PPP2R5B: variants seen among roughly 807,000 people sequenced by gnomAD.
The protein encoded by PPP2R5B is protein phosphatase 2 regulatory subunit B'beta, also known as serine/threonine-protein phosphatase 2A 56 kDa regulatory subunit beta isoform.
A neutral mutation model predicts 59.9 loss-of-function variants in PPP2R5B; 19 were observed. That is an observed-to-expected ratio of 0.32 (90% CI 0.22 to 0.47). The LOEUF (loss-of-function observed/expected upper bound fraction) is 0.47. PPP2R5B is among the 20% of genes least tolerant of loss of function. PPP2R5B has a pLI of 1.00. For missense variants in PPP2R5B, 441 were observed against 640.2 expected, an observed-to-expected ratio of 0.69 and a Z score of 3.36; for synonymous variants, 286 against 260.5, an observed-to-expected ratio of 1.10 and a Z score of -0.94.
intron 6 of PPP2R5B, among the ~76,000 whole-genome samples, chr11:64,929,072 G>A (rs936407674): frequency 4.6e-5 from 7 of 152,284 alleles, no homozygotes; most frequent in Middle Eastern, 3.4e-3. Context: ...TCTCAGTAAC[G>A]TATTACATAT....
upstream of PPP2R5B, among the ~76,000 whole-genome samples, chr11:64,920,943 C>CTATATATATATATATATA (rs59230229): frequency 3.6e-4 from 49 of 134,938 alleles, no homozygotes; most frequent in East Asian, 4.1e-3. Flanking sequence ...TCCAGCAGTT[C>CTATATATATATATATATA]TATATATATA....
intron 8 of PPP2R5B, among the ~76,000 whole-genome samples, chr11:64,930,833 C>G (rs536510173): frequency 2.0e-5 from 3 of 152,252 alleles, no homozygotes; most frequent in African/African-American, 7.2e-5. Context: ...ATCTATATTC[C>G]CAAATATTTG....
chr11:64,930,330 A>G lies in PPP2R5B; in HGVS notation c.731A>G (p.Tyr244Cys). 3 of 1,614,034 alleles carry G rather than the reference A, an allele frequency of 1.9e-6. No homozygotes were observed. The highest frequency in any genetic ancestry group is 1.7e-6 in the Non-Finnish European group (2 of 1,179,960). Residue 244 changes from tyrosine to cysteine, a missense_variant, in exon 7 of 14, where the codon TAT becomes TGT. Transcript: ENST00000164133. ...QCNHIFLRFI[Y>C]EFEHFNGVAE... is the part of the protein sequence containing the mutation. ...GCGTTCTTCTCTTGCAGGTTCATCT[A>G]TGAATTCGAGCACTTCAATGGTGTG... is the stretch of plus-strand genomic sequence containing the variant.
Position 64,928,145 on chromosome 11 carries a change from A to C in PPP2R5B, c.578A>C (p.Lys193Thr), listed in dbSNP as rs200228197. The change falls in exon 5 of 14, where the codon AAG (lysine) becomes ACG (threonine). Residue 193 changes from lysine to threonine, a missense_variant. Transcript: ENST00000164133. ...PSVAKRYVDQ[K>T]FVLMLLELFD... is the part of the protein sequence containing the mutation. ...GTGGCCAAGAGATATGTGGATCAAA[A>C]GTTTGTCCTGATGGTGAAGTGGGGA... is the stretch of plus-strand genomic sequence containing the variant. The C allele has an allele frequency of 2.0e-5, 32 of 1,614,178 alleles. No homozygotes were observed. Among genetic ancestry groups the C allele is most frequent in the Non-Finnish European group, 2.5e-5 (30 of 1,180,016 alleles).
At chr11:64,921,680 C>T (rs1296274028), upstream of PPP2R5B, among the ~76,000 whole-genome samples, 1 of 152,132 alleles carries the variant, frequency 6.6e-6, no homozygotes, top group African/African-American at 2.4e-5. Flanking sequence ...GGAGGAGATC[C>T]CAGGCAGCTG....
chr11:64,933,376 T>TG (rs1382137183), intron 13 of PPP2R5B, 130 bp downstream of exon 13: 1 of 788,524 alleles, frequency 1.3e-6, no homozygotes, highest in African/African-American at 1.7e-5. Flanking sequence ...TCCATGCTCC[T>TG]GCCATCCTAT....
At chr11:64,920,529 G>A (rs73481122), upstream of PPP2R5B, among the ~76,000 whole-genome samples, 4 of 152,172 alleles carry the variant, frequency 2.6e-5, no homozygotes, top group Non-Finnish European at 4.4e-5. Flanking sequence ...AAAAATCCTC[G>A]CACAGTAAAG....
intron 12 of PPP2R5B, 56 bp downstream of exon 12, chr11:64,932,948 C>T: frequency 1.2e-6 from 2 of 1,603,540 alleles, no homozygotes; most frequent in Non-Finnish European, 1.7e-6. Context: ...CCAGCCAGTC[C>T]AGACCCGACC....
chr11:64,931,924 G>A lies in PPP2R5B; in HGVS notation c.1116+56G>A, dbSNP rs1198698457. 3 of 1,587,246 alleles carry A rather than the reference G, an allele frequency of 1.9e-6. No homozygotes were observed. The African/African-American group carries it at 4.1e-5, about 22-fold the overall frequency. On this transcript the variant is annotated intron_variant, in intron 11 of 13. Transcript: ENST00000164133. This position sits in a 1 kb window ranked among gnomAD's most constrained non-coding sequence, Gnocchi z 5.0. The stretch of plus-strand genomic sequence containing the variant: ...AGGGCTGGCCTGGAAAGGTTGGGTA[G>A]CTGACCTAATAAAGCTCCCTTTGCC...
In PPP2R5B at chr11:64,926,835, A is replaced by G; in HGVS notation, c.323A>G (p.Asn108Ser). 1.9e-6 allele frequency: 3 copies of G among 1,614,190 alleles called. No homozygotes were observed. Among genetic ancestry groups the G allele is most frequent in the Non-Finnish European group, 1.7e-6 (2 of 1,180,014 alleles). The change falls in exon 3 of 14, where the codon AAC becomes AGC. Residue 108 changes from asparagine to serine, a missense_variant. Around this residue, in one of 3 missense-constraint regions of PPP2R5B, gnomAD observed 268 missense variants for 488.1 expected, o/e 0.55. Transcript: ENST00000164133. ...AAGGAGGTGAAGCGGGCAGCCCTCA[A>G]CGAGCTGGTGGAGTGTGTGGGGAGC... ...KGKEVKRAAL[N>S]ELVECVGSTR... is the part of the protein sequence containing the mutation.
At chr11:64,927,011 G>C in intron 3 of PPP2R5B, 103 bp downstream of exon 3, 1 of 1,382,476 alleles carries the variant, frequency 7.2e-7, no homozygotes, top group Non-Finnish European at 9.8e-7. Flanking sequence ...TGTACTCATC[G>C]GCTTGGCCTC....
intron 5 of PPP2R5B, 38 bp from the exon 6 acceptor site, chr11:64,928,257 C>T (rs1004547505): frequency 6.2e-7 from 1 of 1,610,280 alleles, no homozygotes; most frequent in African/African-American, 1.4e-5. Flanking sequence ...GGACCTTTCC[C>T]CTGACCCTGA....
intron 1 of PPP2R5B, among the ~76,000 whole-genome samples, chr11:64,919,466 G>A (rs941931384): frequency 1.3e-5 from 2 of 151,386 alleles, no homozygotes; most frequent in Non-Finnish European, 1.5e-5. Flanking sequence ...ATACCGGGTT[G>A]GGTTGCTCAC....
chr11:64,922,499 A>T (rs1168030955), upstream of PPP2R5B, among the ~76,000 whole-genome samples: 1 of 150,750 alleles, frequency 6.6e-6, no homozygotes, highest in African/African-American at 2.4e-5. Context: ...AAAAACAAAC[A>T]AACAAAAAAT....
intron 8 of PPP2R5B, 101 bp downstream of exon 8, chr11:64,930,690 CTTT>C (rs1271226542): frequency 1.0e-6 from 1 of 993,720 alleles, no homozygotes; most frequent in East Asian, 2.4e-5. Flanking sequence ...ATCTCACCTT[CTTT>C]GTCTTTATAA....
rs376952533 is a variant in PPP2R5B at position 64,925,971 on chromosome 11, C to T, written c.199+38C>T. The T allele has an allele frequency of 1.4e-5, 23 of 1,586,890 alleles. No individual in the cohort carries two copies. The highest frequency in any genetic ancestry group is 1.1e-4 in the South Asian group (10 of 88,572). The stretch of plus-strand genomic sequence containing the variant: ...CTGGCCACTGGGGGAACCGAACCCC[C>T]GAGGGGACCAGCAGGGCCATGGGGA... On this transcript the variant is annotated intron_variant, in intron 2 of 13. Transcript: ENST00000164133. This position sits in a 1 kb window ranked among gnomAD's most constrained non-coding sequence, Gnocchi z 4.6.
In PPP2R5B at chr11:64,931,382, C is replaced by T. The variant is rs902249188; in HGVS notation, c.892-54C>T. 1.4e-5 allele frequency: 22 copies of T among 1,584,208 alleles called. No homozygotes were observed. The highest frequency in any genetic ancestry group is 1.1e-4 in the African/African-American group (8 of 74,224). Reference sequence around the variant, plus strand: ...TCTGTCCTGGACAGCAAGTCCTTGGCGCCTGGTGCCTTCCTGACCTGTCTT... The same window carrying T: ...TCTGTCCTGGACAGCAAGTCCTTGGTGCCTGGTGCCTTCCTGACCTGTCTT... On this transcript the variant is annotated intron_variant, in intron 8 of 13. Coordinates refer to ENST00000164133, the MANE Select transcript of PPP2R5B (RefSeq NM_006244.4). This position sits in a 1 kb window ranked among gnomAD's most constrained non-coding sequence, Gnocchi z 5.0.
At chr11:64,932,124 C>G (rs1488337329) in intron 11 of PPP2R5B, among the ~76,000 whole-genome samples, 1 of 152,224 alleles carries the variant, frequency 6.6e-6, no homozygotes, top group Non-Finnish European at 1.5e-5. Context: ...CCAACAACCT[C>G]TTCACAGGGT....
chr11:64,928,336 G>A lies in PPP2R5B; in HGVS notation c.633G>A (p.Glu211=), dbSNP rs1281271573. 1 of 1,614,230 alleles carries A rather than the reference G, an allele frequency of 6.2e-7. No individual in the cohort carries two copies. The highest frequency in any genetic ancestry group is 2.2e-5 in the East Asian group (1 of 44,884). The change falls in exon 6 of 14, where the codon GAG becomes GAA. Residue 211 remains glutamate, a synonymous_variant. Transcript: ENST00000164133. ...LFDSEDPRER[E]YLKTILHRVY... is the part of the protein sequence containing the mutation. ...ATAGTGAGGATCCCCGGGAGCGTGA[G>A]TACCTCAAGACCATCCTGCACCGGG...
Sources: allele counts gnomAD v4.1 joint callset (sites outside exome capture counted in the v4.1 genomes callset), GRCh38; gene constraint gnomAD v4.1.1; regional missense constraint gnomAD v4.1.1; non-coding constraint Gnocchi (gnomAD v3.1); transcripts MANE v1.5; gene names NCBI Gene and HGNC (gene_info 2026-07-23, HGNC 2026-07-21).